The following CNIH3 variants were observed in gnomAD, a reference collection of about 807,000 sequenced individuals.
CNIH3 encodes protein cornichon homolog 3.
In CNIH3, 14 loss-of-function variants were observed where a neutral mutation model predicts 24.1. The observed-to-expected ratio is 0.58, with a 90% confidence interval of 0.38 to 0.91. The LOEUF is 0.91. Among genes scored for constraint, CNIH3 ranks in the 40% least tolerant of loss-of-function variants. The pLI is 0.00. For synonymous variants in CNIH3, 68 were observed against 73.8 expected, an observed-to-expected ratio of 0.92 and a Z score of 0.40; for missense variants, 178 against 196.8, an observed-to-expected ratio of 0.90 and a Z score of 0.57.
At chr1:224,650,748 G>A (rs1684821843) in intron 1 of CNIH3, among the ~76,000 whole-genome samples, 1 of 152,164 alleles carries the variant, frequency 6.6e-6, no homozygotes, top group Admixed American at 6.5e-5. Context: ...CTTTTTGGGA[G>A]TAAAAGTCAG....
intron 5 of CNIH3, among the ~76,000 whole-genome samples, chr1:224,735,757 G>C (rs755205408): frequency 2.6e-5 from 4 of 152,032 alleles, no homozygotes; most frequent in Non-Finnish European, 5.9e-5. Flanking sequence ...TGGCTCAAGT[G>C]ATTCTCCCAC....
intron 3 of CNIH3, among the ~76,000 whole-genome samples, chr1:224,702,366 C>T (rs939397472): frequency 1.1e-4 from 16 of 152,176 alleles, no homozygotes; most frequent in Admixed American, 1.3e-4. Context: ...GGAGTGGGAT[C>T]GTCAGGCAAG....
chr1:224,599,154 G>A (rs561755762), intron 3 of CNIH3, among the ~76,000 whole-genome samples: 5 of 152,052 alleles, frequency 3.3e-5, no homozygotes, highest in African/African-American at 7.2e-5. Context: ...TAAAAAAACC[G>A]CCACCCTTTA....
At chr1:224,444,397 T>C (rs1424345840) in intron 1 of CNIH3, among the ~76,000 whole-genome samples, 1 of 152,074 alleles carries the variant, frequency 6.6e-6, no homozygotes, top group Non-Finnish European at 1.5e-5. Context: ...TGAGACAGAG[T>C]CTCGCTCTGT....
At chr1:224,627,688 G>C (rs1290604395) in intron 1 of CNIH3, among the ~76,000 whole-genome samples, 1 of 152,198 alleles carries the variant, frequency 6.6e-6, no homozygotes, top group Non-Finnish European at 1.5e-5. Context: ...CCTGCAGTCT[G>C]CTCTGTGACT....
At chr1:224,583,028 T>C (rs1201417944) in intron 4 of CNIH3, 1 of 152,202 alleles carries the variant, frequency 6.6e-6, no homozygotes, top group African/African-American at 2.4e-5. Flanking sequence ...GTGGACTCCA[T>C]AAGTGGATTA....
At chr1:224,560,664 T>G (rs1322257680) in intron 3 of CNIH3, among the ~76,000 whole-genome samples, 2 of 147,358 alleles carry the variant, frequency 1.4e-5, no homozygotes, top group Non-Finnish European at 3.1e-5. Context: ...TGATGATCTG[T>G]CACTGTCTCC....
rs548271732 is a variant in CNIH3 at position 224,686,275 on chromosome 1, C to T, written c.198+1432C>T. ...TGCAGTGTTTGGTTTTCTGTCCTTGCGATAGTTTGCTGAGAATGATGGTTT... is the reference window on the plus strand; with the variant it reads ...TGCAGTGTTTGGTTTTCTGTCCTTGTGATAGTTTGCTGAGAATGATGGTTT... On this transcript the variant is annotated intron_variant, in intron 3 of 5. Transcript: ENST00000272133. Among the ~76,000 whole-genome samples the T allele has an allele frequency of 8.6e-5, 13 of 151,332 alleles. No individual in the cohort carries two copies. The South Asian group carries it at 1.3e-3, about 15-fold the overall frequency.
exon 1 of CNIH3, chr1:224,434,717 G>A (rs1674560670): frequency 6.1e-6 from 6 of 975,846 alleles, no homozygotes; most frequent in Non-Finnish European, 7.3e-6. Flanking sequence ...GGCGGCAGCG[G>A]AGGCAGCTGC....
rs375846517 is a variant in CNIH3, at chr1:224,443,975, T to A, written n.203+9113T>A. ...ACAGTATAAAACCTTGGATTTGTTCTAGATTTTTAAAAAGTTTTATTATGC... is the reference window on the plus strand; with the variant it reads ...ACAGTATAAAACCTTGGATTTGTTCAAGATTTTTAAAAAGTTTTATTATGC... On this transcript the variant is annotated intron_variant and non_coding_transcript_variant, in intron 1 of 5. Coordinates refer to the CNIH3 transcript ENST00000471578. 3.3e-5 allele frequency among the ~76,000 whole-genome samples: 5 copies of A among 152,292 alleles called. No individual in the cohort carries two copies. In the East Asian group the frequency reaches 9.6e-4, roughly 29 times the overall value.
Position 224,604,595 on chromosome 1 carries a change from G to C in CNIH3, n.402+38331G>C, listed in dbSNP as rs544118166. On this transcript the variant is annotated intron_variant and non_coding_transcript_variant, in intron 3 of 7. Transcript: ENST00000478120. The surrounding 1 kb of genome is among the most constrained non-coding windows in gnomAD (Gnocchi z 4.4). ...TGTGGCACCAGGGAGGCTGGAGCCA[G>C]GGATGGGGCTCCCAGACTGTTTAGC... is the stretch of plus-strand genomic sequence containing the variant. 5.3e-5 allele frequency among the ~76,000 whole-genome samples: 8 copies of C among 152,326 alleles called. No homozygotes were observed. The South Asian group carries it at 1.7e-3, about 32-fold the overall frequency.
rs1473593160 is a variant in CNIH3 at position 224,703,279 on chromosome 1, G to A, written c.198+18436G>A. Among the ~76,000 whole-genome samples the A allele has an allele frequency of 1.3e-5, 2 of 152,096 alleles. No homozygotes were observed. The highest frequency in any genetic ancestry group is 2.4e-5 in the African/African-American group (1 of 41,420). ...GCTGGCCAAGGTAGACGTGACCACC[G>A]GACCAGCTGAGCCACGATGGGCAGC... is the stretch of plus-strand genomic sequence containing the variant. On this transcript the variant is annotated intron_variant, in intron 3 of 5. Transcript: ENST00000272133. This position sits in a 1 kb window ranked among gnomAD's most constrained non-coding sequence, Gnocchi z 4.2.
chr1:224,739,647 C>A lies in CNIH3; in HGVS notation c.*291C>A, dbSNP rs1246606037. On this transcript the variant is annotated 3_prime_UTR_variant, in exon 6 of 6. Transcript: ENST00000272133. The stretch of plus-strand genomic sequence containing the variant: ...GGGGAGTAGGTGACGAAACACTAGA[C>A]CTCTCCTGAGAGAGAATTGCTGCTT... 1.8e-5 allele frequency: 9 copies of A among 506,528 alleles called. No homozygotes were observed. Among genetic ancestry groups the A allele is most frequent in the Non-Finnish European group, 3.1e-5 (9 of 292,878 alleles). The allele number at this position is 506,528 out of a possible 1,614,324, so 31.4% of individuals were successfully genotyped here.
At chr1:224,714,094 C>T (rs1558325118) in intron 3 of CNIH3, among the ~76,000 whole-genome samples, 1 of 152,150 alleles carries the variant, frequency 6.6e-6, no homozygotes, top group Non-Finnish European at 1.5e-5. Context: ...GGATTACAGG[C>T]GTGAGCCACT....
At chr1:224,716,435 A>G (rs1688435611) in intron 3 of CNIH3, among the ~76,000 whole-genome samples, 1 of 152,208 alleles carries the variant, frequency 6.6e-6, no homozygotes, top group African/African-American at 2.4e-5. Flanking sequence ...GACCCAGTAT[A>G]TAATAAATGC....
At chr1:224,605,450 A>T (rs1328773052) in intron 3 of CNIH3, among the ~76,000 whole-genome samples, 1 of 152,192 alleles carries the variant, frequency 6.6e-6, no homozygotes, top group African/African-American at 2.4e-5. Flanking sequence ...TTATACTTTA[A>T]ATAATAGCCC....
intron 2 of CNIH3, among the ~76,000 whole-genome samples, chr1:224,543,162 C>A (rs1679575900): frequency 1.3e-5 from 2 of 152,056 alleles, no homozygotes; most frequent in African/African-American, 2.4e-5. Flanking sequence ...TTGAAACATG[C>A]CTGGGTAACG....
chr1:224,452,458 T>A (rs968869093), intron 1 of CNIH3, among the ~76,000 whole-genome samples: 1 of 151,938 alleles, frequency 6.6e-6, no homozygotes, highest in African/African-American at 2.4e-5. Context: ...CAAAGTGGGC[T>A]GTATTTCAAG....
rs56248229 is a variant in CNIH3, at chr1:224,443,711, A to ATTTT, written n.203+8853_203+8856dup. On this transcript the variant is annotated intron_variant and non_coding_transcript_variant, in intron 1 of 5. Coordinates refer to the CNIH3 transcript ENST00000471578. ...TCTATAGATATAGATATATATATAT[A>ATTTT]TTTTTTTAGGCTGCTTCTCTGAGAG... is the stretch of plus-strand genomic sequence containing the variant. 2.7e-5 allele frequency among the ~76,000 whole-genome samples: 4 copies of ATTTT among 149,532 alleles called. No individual in the cohort carries two copies. The South Asian group carries it at 6.3e-4, about 24-fold the overall frequency.
Sources: gnomAD v4.1 joint callset for allele counts (sites outside exome capture counted in the v4.1 genomes callset) on GRCh38, gnomAD v4.1.1 for gene constraint, Gnocchi (gnomAD v3.1) non-coding constraint, MANE v1.5 for transcripts, NCBI Gene and HGNC (gene_info 2026-07-23, HGNC 2026-07-21) for gene names.